The following MOB1B variants were observed in gnomAD, a reference collection of about 807,000 sequenced individuals.
MOB1B encodes MOB kinase activator 1B.
Under a neutral mutation model 24.4 loss-of-function variants are expected in MOB1B, and 19 were observed. That is an observed-to-expected ratio of 0.78 (90% CI 0.54 to 1.14). The LOEUF is 1.14. Among genes scored for constraint, MOB1B ranks in the 50% most tolerant of loss-of-function variants. The probability of loss-of-function intolerance (pLI) is 0.00; values close to 1 mark genes in which losing one functional copy is unlikely to be tolerated. For synonymous variants in MOB1B, 76 were observed against 82.1 expected, an observed-to-expected ratio of 0.93 and a Z score of 0.40; for missense variants, 243 against 259.6, an observed-to-expected ratio of 0.94 and a Z score of 0.44.
At chr4:70,973,876 A>G (rs371485637) in intron 3 of MOB1B, among the ~76,000 whole-genome samples, 120 of 152,274 alleles carry the variant, frequency 7.9e-4, no homozygotes, top group African/African-American at 2.6e-3. Flanking sequence ...AAGCATCCTC[A>G]TTTATCCTAT....
chr4:70,909,189 A>G (rs1409126830), intron 1 of MOB1B, among the ~76,000 whole-genome samples: 1 of 151,990 alleles, frequency 6.6e-6, no homozygotes, highest in Admixed American at 6.6e-5. Context: ...GACTCATGAT[A>G]GTGCTATGTT....
intron 1 of MOB1B, among the ~76,000 whole-genome samples, chr4:70,905,064 C>T (rs1303021963): frequency 6.6e-6 from 1 of 152,108 alleles, no homozygotes; most frequent in Non-Finnish European, 1.5e-5. Flanking sequence ...ACATATTTAG[C>T]CCATGTGCTT....
chr4:70,929,503 T>C (rs1240774000), intron 1 of MOB1B, among the ~76,000 whole-genome samples: 2 of 152,002 alleles, frequency 1.3e-5, no homozygotes, highest in Non-Finnish European at 2.9e-5. Context: ...TTTTTGGAGA[T>C]AAGGTCTTGC....
intron 1 of MOB1B, among the ~76,000 whole-genome samples, chr4:70,924,658 G>A (rs1216822629): frequency 6.6e-6 from 1 of 152,150 alleles, no homozygotes; most frequent in Admixed American, 6.6e-5. Context: ...GCAGGCCACA[G>A]TGTGTGATAT....
chr4:70,947,934 G>A (rs113363663), intron 1 of MOB1B, among the ~76,000 whole-genome samples: 1,969 of 152,268 alleles, frequency 0.013, 37 homozygotes, highest in African/African-American at 0.045. Context: ...AAACTTTAAT[G>A]AAGTCTAATT....
intron 2 of MOB1B, 112 bp downstream of exon 2, chr4:70,959,152 A>T: frequency 2.6e-6 from 2 of 769,718 alleles, no homozygotes; most frequent in Non-Finnish European, 4.2e-6. Flanking sequence ...AATATCATAA[A>T]AGAGTGATAT....
At chr4:70,914,810 G>A (rs1419684269) in intron 1 of MOB1B, among the ~76,000 whole-genome samples, 3 of 152,066 alleles carry the variant, frequency 2.0e-5, no homozygotes, top group African/African-American at 7.2e-5. Flanking sequence ...ACCCTCTCTG[G>A]CCTGGGCCCA....
At chr4:70,945,401 C>G (rs1737534568) in intron 1 of MOB1B, among the ~76,000 whole-genome samples, 1 of 152,140 alleles carries the variant, frequency 6.6e-6, no homozygotes, top group African/African-American at 2.4e-5. Context: ...AATTCTATAG[C>G]CTCGTACTGT....
At chr4:70,941,295 C>T (rs1560645910) in intron 1 of MOB1B, among the ~76,000 whole-genome samples, 1 of 151,906 alleles carries the variant, frequency 6.6e-6, no homozygotes, top group Admixed American at 6.6e-5. Flanking sequence ...TTTCTGCTTA[C>T]TTCTTTGTCA....
Position 70,987,105 on chromosome 4 carries a change from A to C in MOB1B, c.*5048A>C, listed in dbSNP as rs1449495739. ...CTGTGCGTGTACACACACACTGGAA[A>C]ATAATTAGGCTGATTTTGCAGGTCT... On this transcript the variant is annotated 3_prime_UTR_variant, in exon 6 of 6. Transcript: ENST00000309395. 2.6e-5 allele frequency: 4 copies of C among 151,980 alleles called. No homozygotes were observed. Among genetic ancestry groups the C allele is most frequent in the Non-Finnish European group, 5.9e-5 (4 of 67,952 alleles). The allele number at this position is 151,980 out of a possible 1,614,324, so 9.4% of individuals were successfully genotyped here. A position where few individuals can be genotyped will look rare whatever the true frequency, so the allele number is the denominator to read the frequency against.
rs2148908324 is a variant in MOB1B at position 70,986,915 on chromosome 4, G to A, written c.*4858G>A. 1 of 152,058 alleles carries A rather than the reference G, an allele frequency of 6.6e-6. No homozygotes were observed. The highest frequency in any genetic ancestry group is 2.1e-4 in the South Asian group (1 of 4,828). 9.4% of individuals were successfully genotyped at this position (152,058 alleles called of 1,614,324 possible). ...CTGCACTGTATGTCTGTCACTTGTA[G>A]CTGAACTGATTCACATTTTGACAAA... On this transcript the variant is annotated 3_prime_UTR_variant, in exon 6 of 6. Transcript: ENST00000309395.
intron 1 of MOB1B, among the ~76,000 whole-genome samples, chr4:70,908,034 T>C (rs1319801189): frequency 6.6e-6 from 1 of 151,792 alleles, no homozygotes; most frequent in African/African-American, 2.4e-5. Flanking sequence ...TCTTTCTTTT[T>C]TTTTTTTTTG....
chr4:70,956,982 T>G (rs1229640411), intron 1 of MOB1B, among the ~76,000 whole-genome samples: 1 of 152,068 alleles, frequency 6.6e-6, no homozygotes, highest in Non-Finnish European at 1.5e-5. Flanking sequence ...AGCCAGGGGT[T>G]GAGAACTACT....
intron 1 of MOB1B, among the ~76,000 whole-genome samples, chr4:70,926,763 T>C (rs1232710580): frequency 3.3e-5 from 5 of 151,894 alleles, no homozygotes; most frequent in African/African-American, 1.2e-4. Context: ...TCCCAGCATT[T>C]TGGGAGGTGG....
At position 70,902,512 on chromosome 4, in the gene MOB1B, G is replaced by A; in HGVS notation, c.-25G>A. ...CGCTCCGAGGCCTCGCGACCGCCGA[G>A]CCTGCAGCCTGCCCCGCGGCCAACA... On this transcript the variant is annotated 5_prime_UTR_variant, in exon 1 of 6. Transcript: ENST00000309395. 1 of 1,560,980 alleles carries A rather than the reference G, an allele frequency of 6.4e-7. No homozygotes were observed.
At position 70,982,182 on chromosome 4, in the gene MOB1B, G is replaced by T; in HGVS notation, c.*125G>T. 3 of 616,678 alleles carry T rather than the reference G, an allele frequency of 4.9e-6. No individual in the cohort carries two copies. Among genetic ancestry groups the T allele is most frequent in the Non-Finnish European group, 8.3e-6 (3 of 361,110 alleles). The allele number at this position is 616,678 out of a possible 1,614,324, so 38.2% of individuals were successfully genotyped here. On this transcript the variant is annotated 3_prime_UTR_variant, in exon 6 of 6. Coordinates refer to ENST00000309395, the MANE Select transcript of MOB1B (RefSeq NM_173468.4). ...AGGTTTGGGGGCGGGGGCTTGTTTGGGTTCCTTTTTCTTTATTCTGATTAT... is the reference window on the plus strand; with the variant it reads ...AGGTTTGGGGGCGGGGGCTTGTTTGTGTTCCTTTTTCTTTATTCTGATTAT...
At chr4:70,927,581 G>A (rs1431522120) in intron 1 of MOB1B, among the ~76,000 whole-genome samples, 2 of 152,040 alleles carry the variant, frequency 1.3e-5, no homozygotes, top group African/African-American at 2.4e-5. Flanking sequence ...TTATAAATAT[G>A]TGTAGTGCAT....
At chr4:70,913,450 C>T (rs1006500261) in intron 1 of MOB1B, among the ~76,000 whole-genome samples, 1 of 152,040 alleles carries the variant, frequency 6.6e-6, no homozygotes, top group Non-Finnish European at 1.5e-5. Context: ...GCATGTGTCG[C>T]CACACCCCGC....
intron 1 of MOB1B, among the ~76,000 whole-genome samples, chr4:70,931,550 T>A (rs1195289658): frequency 1.3e-5 from 2 of 152,232 alleles, no homozygotes; most frequent in Middle Eastern, 3.2e-3. Flanking sequence ...AGATTACCTT[T>A]AGTGATTTTT....
Sources: allele counts gnomAD v4.1 joint callset (sites outside exome capture counted in the v4.1 genomes callset), GRCh38; gene constraint gnomAD v4.1.1; transcripts MANE v1.5; gene names NCBI Gene and HGNC (gene_info 2026-07-23, HGNC 2026-07-21).